Variants in CSMD3 observed in about 807,000 individuals in gnomAD.
The protein encoded by CSMD3 is CUB and Sushi multiple domains 3, also known as CUB and sushi domain-containing protein 3.
Under a neutral mutation model 435.2 loss-of-function variants are expected in CSMD3, and 177 were observed. That is an observed-to-expected ratio of 0.41 (90% confidence interval 0.36 to 0.46). The LOEUF (loss-of-function observed/expected upper bound fraction) is 0.46. Among genes scored for constraint, CSMD3 ranks in the 20% least tolerant of loss-of-function variants. The probability of loss-of-function intolerance (pLI) is 0.34; values close to 1 mark genes in which losing one functional copy is unlikely to be tolerated. For missense variants in CSMD3, 4,265 were observed against 4,504.6 expected (o/e 0.95, Z 1.52); for synonymous variants, 1,656 against 1,520.5 (o/e 1.09, Z -2.07).
chr8:113,217,723 T>C (rs1015829413), intron 3 of CSMD3, among the ~76,000 whole-genome samples: 1 of 151,318 alleles, frequency 6.6e-6, no homozygotes, highest in African/African-American at 2.4e-5. Flanking sequence ...TAGAGGAATA[T>C]CAAGAGGTCT....
intron 6 of CSMD3, among the ~76,000 whole-genome samples, chr8:112,979,291 G>A (rs1194955274): frequency 1.3e-5 from 2 of 151,620 alleles, no homozygotes; most frequent in African/African-American, 4.8e-5. Flanking sequence ...TACATATAGT[G>A]GAACTATAAA....
intron 5 of CSMD3, among the ~76,000 whole-genome samples, chr8:113,019,531 T>C (rs1465759206): frequency 2.7e-5 from 4 of 148,400 alleles, no homozygotes; most frequent in Non-Finnish European, 5.9e-5. Flanking sequence ...TTATATATTG[T>C]TTATTATTTA....
At chr8:112,347,868 T>C (rs1825806068) in intron 40 of CSMD3, among the ~76,000 whole-genome samples, 1 of 152,222 alleles carries the variant, frequency 6.6e-6, no homozygotes, top group African/African-American at 2.4e-5. Flanking sequence ...TATTCTGAAA[T>C]TTGAGTAAAA....
At chr8:112,365,909 T>A (rs527775144) in intron 38 of CSMD3, among the ~76,000 whole-genome samples, 1 of 152,256 alleles carries the variant, frequency 6.6e-6, no homozygotes, top group Non-Finnish European at 1.5e-5. Flanking sequence ...CTGATTCAGC[T>A]TACACAATTC....
intron 6 of CSMD3, among the ~76,000 whole-genome samples, chr8:112,979,245 G>C (rs2084960059): frequency 6.6e-6 from 1 of 151,722 alleles, no homozygotes; most frequent in Non-Finnish European, 1.5e-5. Context: ...CATGCTTACA[G>C]AAAGTATAAA....
At chr8:113,178,719 T>G (rs571416233) in intron 3 of CSMD3, among the ~76,000 whole-genome samples, 1 of 151,880 alleles carries the variant, frequency 6.6e-6, no homozygotes, top group Non-Finnish European at 1.5e-5. Context: ...ACAAGTATAT[T>G]TGAAATAGAA....
chr8:112,940,919 C>T (rs1221019519), intron 9 of CSMD3, among the ~76,000 whole-genome samples: 1 of 151,716 alleles, frequency 6.6e-6, no homozygotes, highest in Non-Finnish European at 1.5e-5. Context: ...CTGTTTTAAT[C>T]AATTCAATTA....
At chr8:113,249,182 T>C (rs1369354685) in intron 3 of CSMD3, among the ~76,000 whole-genome samples, 2 of 152,098 alleles carry the variant, frequency 1.3e-5, no homozygotes, top group African/African-American at 4.8e-5. Context: ...TCATTCACCT[T>C]CAGCCATGAC....
chr8:112,293,115 G>A (rs1452354287), intron 54 of CSMD3, among the ~76,000 whole-genome samples: 1 of 151,938 alleles, frequency 6.6e-6, no homozygotes, highest in African/African-American at 2.4e-5. Context: ...AACTAGCCAG[G>A]TGTGGTGACT....
At chr8:112,408,562 T>C in intron 33 of CSMD3, 149 bp from the exon 34 acceptor site, 1 of 677,022 alleles carries the variant, frequency 1.5e-6, no homozygotes, top group Non-Finnish European at 2.6e-6. Flanking sequence ...ACCAATATAT[T>C]TCCTTTGGGT....
At chr8:113,392,360 G>A (rs77629907) in intron 1 of CSMD3, among the ~76,000 whole-genome samples, 4 of 152,200 alleles carry the variant, frequency 2.6e-5, no homozygotes, top group African/African-American at 4.8e-5. Context: ...AGATGTATGT[G>A]CCCTAAATAA....
chr8:113,345,808 G>C (rs2094147457), intron 1 of CSMD3, among the ~76,000 whole-genome samples: 1 of 152,118 alleles, frequency 6.6e-6, no homozygotes, highest in African/African-American at 2.4e-5. Flanking sequence ...AAGAATCATT[G>C]AGAGTAGTTG....
chr8:112,331,589 C>T lies in CSMD3; in HGVS notation c.7165+3740G>A, dbSNP rs182295078. 2.4e-4 allele frequency among the ~76,000 whole-genome samples: 36 copies of T among 151,954 alleles called. No individual in the cohort carries two copies. The East Asian group carries it at 6.6e-3, about 28-fold the overall frequency. The stretch of plus-strand genomic sequence containing the variant: ...ATTTTTTTCCCTCTCTTTTCCAGCA[C>T]ATTCAAAATATATCAACAAATAAAA... On this transcript the variant is annotated intron_variant, in intron 45 of 70. Coordinates refer to ENST00000297405, the MANE Select transcript of CSMD3 (RefSeq NM_198123.2).
chr8:112,519,536 G>A (rs1177868519), intron 27 of CSMD3, among the ~76,000 whole-genome samples: 1 of 152,110 alleles, frequency 6.6e-6, no homozygotes, highest in Non-Finnish European at 1.5e-5. Context: ...GATGTAGACT[G>A]TACTCCTTAA....
intron 1 of CSMD3, among the ~76,000 whole-genome samples, chr8:113,374,646 T>C (rs2094367171): frequency 1.3e-5 from 2 of 151,988 alleles, no homozygotes; most frequent in Admixed American, 1.3e-4. Context: ...CCAACATCGA[T>C]ATTACTTATA....
At chr8:112,387,708 T>A (rs902801351) in intron 36 of CSMD3, among the ~76,000 whole-genome samples, 3 of 152,152 alleles carry the variant, frequency 2.0e-5, no homozygotes, top group Non-Finnish European at 4.4e-5. Flanking sequence ...CCTTCCTCAG[T>A]GAAAGATTTT....
chr8:112,394,706 A>C (rs1830720678), intron 35 of CSMD3, among the ~76,000 whole-genome samples: 1 of 152,140 alleles, frequency 6.6e-6, no homozygotes, highest in African/African-American at 2.4e-5. Flanking sequence ...GTCTTGTTGC[A>C]ACTCCAGCTC....
intron 36 of CSMD3, among the ~76,000 whole-genome samples, chr8:112,388,365 T>C (rs1159069497): frequency 1.3e-5 from 2 of 152,138 alleles, no homozygotes; most frequent in Non-Finnish European, 2.9e-5. Flanking sequence ...TGCAGGAGAA[T>C]AAGAACCTGG....
intron 30 of CSMD3, among the ~76,000 whole-genome samples, chr8:112,501,790 C>T (rs142617160): frequency 6.6e-6 from 1 of 152,124 alleles, no homozygotes; most frequent in African/African-American, 2.4e-5. Context: ...CCAGAACAAC[C>T]TAAATGTCTA....
Sources: allele counts gnomAD v4.1 joint callset (sites outside exome capture counted in the v4.1 genomes callset), GRCh38; gene constraint gnomAD v4.1.1; transcripts MANE v1.5; gene names NCBI Gene and HGNC (gene_info 2026-07-23, HGNC 2026-07-21).